PPP1R9A: variants seen among roughly 807,000 people sequenced by gnomAD.
PPP1R9A encodes the protein neurabin-1.
A neutral mutation model predicts 141.9 loss-of-function variants in PPP1R9A; 59 were observed. That is an observed-to-expected ratio of 0.42 (90% CI 0.34 to 0.52). The LOEUF is 0.52. Ranked by LOEUF, PPP1R9A falls within the 20% of genes least tolerant of loss-of-function variation. The pLI is 0.10. For missense variants in PPP1R9A, 1,444 were observed against 1,611.9 expected (o/e 0.90, Z 1.78); for synonymous variants, 500 against 569.7 (o/e 0.88, Z 1.74).
intron 9 of PPP1R9A, among the ~76,000 whole-genome samples, chr7:95,248,849 A>T (rs2153002045): frequency 6.6e-6 from 1 of 152,326 alleles, no homozygotes; most frequent in South Asian, 2.1e-4. Flanking sequence ...CTAACTTTGT[A>T]AACTGTTTTG....
intron 2 of PPP1R9A, among the ~76,000 whole-genome samples, chr7:94,942,903 T>C (rs1007119376): frequency 2.9e-4 from 44 of 152,028 alleles, no homozygotes; most frequent in African/African-American, 1.1e-3. Flanking sequence ...TTTCTTTAGG[T>C]GAATATTCCT....
At chr7:95,089,185 G>A (rs1266503727) in intron 2 of PPP1R9A, among the ~76,000 whole-genome samples, 1 of 151,958 alleles carries the variant, frequency 6.6e-6, no homozygotes, top group East Asian at 1.9e-4. Context: ...ACACAATAAA[G>A]CAAATTAGTA....
Position 95,294,220 on chromosome 7 carries a change from A to C in PPP1R9A, c.*3917A>C, listed in dbSNP as rs200425241. On this transcript the variant is annotated 3_prime_UTR_variant, in exon 20 of 20. Transcript: ENST00000433360. ...AAGGATGTACCTGTGCACTATTCTA[A>C]AGCTAAGCATTTAAGGATAAAGTCC... 3 of 152,196 alleles carry C rather than the reference A, an allele frequency of 2.0e-5. No homozygotes were observed. In the East Asian group the frequency reaches 5.8e-4, roughly 29 times the overall value. The allele number at this position is 152,196 out of a possible 1,614,324, so 9.4% of individuals were successfully genotyped here.
At position 95,079,891 on chromosome 7, in the gene PPP1R9A, G is replaced by C. The variant is rs571364197; in HGVS notation, c.1396-31368G>C. On this transcript the variant is annotated intron_variant, in intron 2 of 19. Coordinates refer to ENST00000433360, the MANE Select transcript of PPP1R9A (RefSeq NM_001166160.2). ...AAGGCCTTTGACAAAATTCAACAAC[G>C]CTTCATGCTAAAAACTCAATAAATT... Among the ~76,000 whole-genome samples, 12 of 152,034 alleles carry C rather than the reference G, an allele frequency of 7.9e-5. No homozygotes were observed. In the East Asian group the frequency reaches 9.7e-4, roughly 12 times the overall value.
chr7:94,956,193 C>G (rs538610477), intron 2 of PPP1R9A, among the ~76,000 whole-genome samples: 1 of 152,026 alleles, frequency 6.6e-6, no homozygotes, highest in Non-Finnish European at 1.5e-5. Context: ...ACCCTTGGCT[C>G]TAAAGTACCG....
intron 7 of PPP1R9A, among the ~76,000 whole-genome samples, chr7:95,217,916 A>T (rs1388236761): frequency 1.3e-5 from 2 of 152,152 alleles, no homozygotes; most frequent in Non-Finnish European, 1.5e-5. Context: ...CTTTTCAAAC[A>T]ACCAGCTCCT....
At chr7:95,020,639 A>G (rs1486744677) in intron 2 of PPP1R9A, among the ~76,000 whole-genome samples, 1 of 151,966 alleles carries the variant, frequency 6.6e-6, no homozygotes, top group Non-Finnish European at 1.5e-5. Context: ...TGTCCCCCAG[A>G]CAGGCCCCTT....
chr7:95,038,126 C>T lies in PPP1R9A; in HGVS notation c.1396-73133C>T, dbSNP rs988014444. Reference sequence around the variant, plus strand: ...GACCATGTCTTAAAAAAAAAAAAGACGTTATTATTCACATCGTTAGAACAA... The same window carrying T: ...GACCATGTCTTAAAAAAAAAAAAGATGTTATTATTCACATCGTTAGAACAA... On this transcript the variant is annotated intron_variant, in intron 2 of 19. Coordinates refer to ENST00000433360, the MANE Select transcript of PPP1R9A (RefSeq NM_001166160.2). Among the ~76,000 whole-genome samples, 6 of 150,222 alleles carry T rather than the reference C, an allele frequency of 4.0e-5. No homozygotes were observed. In the East Asian group the frequency reaches 6.0e-4, roughly 15 times the overall value.
chr7:94,977,445 A>C (rs1001160560), intron 2 of PPP1R9A, among the ~76,000 whole-genome samples: 1 of 152,192 alleles, frequency 6.6e-6, no homozygotes, highest in African/African-American at 2.4e-5. Flanking sequence ...GTTTTGTTAA[A>C]TGTTGCTGAT....
intron 2 of PPP1R9A, chr7:95,036,804 T>C (rs1458137264): frequency 6.6e-6 from 1 of 152,234 alleles, no homozygotes. Flanking sequence ...TGTTTTATTA[T>C]TGACCTCTCC....
chr7:95,074,176 A>G (rs180752568), intron 2 of PPP1R9A, among the ~76,000 whole-genome samples: 44 of 152,318 alleles, frequency 2.9e-4, no homozygotes, highest in Middle Eastern at 3.4e-3. Flanking sequence ...AAACTTGTGT[A>G]TGAAAAGTAC....
chr7:95,185,921 T>A (rs1454514218), intron 5 of PPP1R9A, among the ~76,000 whole-genome samples: 1 of 152,160 alleles, frequency 6.6e-6, no homozygotes, highest in African/African-American at 2.4e-5. Flanking sequence ...GCTGTTTTGG[T>A]ATAGCCATGT....
intron 4 of PPP1R9A, among the ~76,000 whole-genome samples, chr7:95,161,369 A>G (rs1830443087): frequency 6.6e-6 from 1 of 152,048 alleles, no homozygotes; most frequent in South Asian, 2.1e-4. Flanking sequence ...TTTAATGGAA[A>G]TAGTCTTTTT....
At chr7:95,217,441 T>A (rs1793643768) in intron 7 of PPP1R9A, among the ~76,000 whole-genome samples, 1 of 152,304 alleles carries the variant, frequency 6.6e-6, no homozygotes, top group East Asian at 1.9e-4. Flanking sequence ...TTTTTTTTGT[T>A]GTGTCTCTGC....
intron 2 of PPP1R9A, among the ~76,000 whole-genome samples, chr7:95,095,988 C>T (rs1817959106): frequency 6.6e-6 from 1 of 152,076 alleles, no homozygotes; most frequent in African/African-American, 2.4e-5. Flanking sequence ...GTGTAGGTCT[C>T]AGTGCTAGAA....
chr7:95,247,354 C>T, intron 8 of PPP1R9A, 119 bp from the exon 9 acceptor site: 2 of 701,082 alleles, frequency 2.9e-6, no homozygotes, highest in Non-Finnish European at 4.8e-6. Flanking sequence ...CAACTTGCTG[C>T]ACTGCAGCAC....
intron 5 of PPP1R9A, among the ~76,000 whole-genome samples, chr7:95,171,173 C>CA (rs986428573): frequency 6.6e-6 from 1 of 151,284 alleles, no homozygotes; most frequent in Admixed American, 6.6e-5. Context: ...CACAGGGGAA[C>CA]AAAAAATGAA....
At chr7:95,004,368 A>G (rs111806663) in intron 2 of PPP1R9A, among the ~76,000 whole-genome samples, 6 of 152,112 alleles carry the variant, frequency 3.9e-5, no homozygotes, top group African/African-American at 7.2e-5. Flanking sequence ...GGAAGAGAGG[A>G]CACACCTAGG....
chr7:95,108,295 T>C, intron 2 of PPP1R9A, among the ~76,000 whole-genome samples: 1 of 142,304 alleles, frequency 7.0e-6, no homozygotes, highest in East Asian at 2.0e-4. Context: ...TCTTTTCTTT[T>C]TCGTTTCTTT....
Sources: gnomAD v4.1 joint callset for allele counts (sites outside exome capture counted in the v4.1 genomes callset) on GRCh38, gnomAD v4.1.1 for gene constraint, MANE v1.5 for transcripts, NCBI Gene and HGNC (gene_info 2026-07-23, HGNC 2026-07-21) for gene names.